The following SIPA1L2 variants were observed in gnomAD, a reference collection of about 807,000 sequenced individuals.
The protein encoded by SIPA1L2 is signal induced proliferation associated 1 like 2, also known as signal-induced proliferation-associated 1-like protein 2.
SIPA1L2 carries 56 observed loss-of-function variants against 163.9 expected under a neutral mutation model. The observed-to-expected ratio is 0.34, with a 90% CI of 0.28 to 0.43. SIPA1L2 has a LOEUF of 0.43. Ranked by LOEUF, SIPA1L2 falls within the 20% of genes least tolerant of loss-of-function variation. The pLI is 1.00. For synonymous variants in SIPA1L2, 877 were observed against 865.7 expected, an observed-to-expected ratio of 1.01 and a Z score of -0.23; for missense variants, 1,974 against 2,193.5, an observed-to-expected ratio of 0.90 and a Z score of 2.00.
At chr1:232,552,059 C>T (rs542833027) in intron 2 of SIPA1L2, among the ~76,000 whole-genome samples, 2 of 152,192 alleles carry the variant, frequency 1.3e-5, no homozygotes, top group South Asian at 4.1e-4. Flanking sequence ...AGGCTGGTCT[C>T]GAATTCCTGA....
intron 3 of SIPA1L2, among the ~76,000 whole-genome samples, chr1:232,497,310 T>C (rs575624492): frequency 1.2e-4 from 19 of 152,248 alleles, no homozygotes; most frequent in African/African-American, 2.2e-4. Flanking sequence ...AATTTTACTG[T>C]ACATAAAATA....
In SIPA1L2 at chr1:232,626,148, G is replaced by A. The variant is rs866920130; in HGVS notation, c.-319+3721C>T. ...ATTTTGACGAAATGCATTGACAATA[G>A]GTAGTAACTGCTGTTGTCAATTTTA... On this transcript the variant is annotated intron_variant, in intron 1 of 22. Coordinates refer to ENST00000674635, the MANE Select transcript of SIPA1L2 (RefSeq NM_020808.5). Among the ~76,000 whole-genome samples the A allele has an allele frequency of 6.6e-5, 10 of 151,644 alleles. No homozygotes were observed. The South Asian group carries it at 2.1e-3, about 32-fold the overall frequency.
At position 232,513,877 on chromosome 1, in the gene SIPA1L2, C is replaced by T. The variant is rs569418675; in HGVS notation, c.1463G>A (p.Arg488His). The change falls in exon 3 of 23, where the codon CGC becomes CAC. Residue 488 changes from arginine to histidine, a missense_variant. Transcript: ENST00000674635. ...CTTACCTTTCCCATAGAAGAATTTG[C>T]GGTAATAATAGGCCCCAAGGTCAAT... The part of the protein sequence containing the change: ...EHIDLGAYYY[R>H]KFFYGKEHQN... 3.8e-6 allele frequency: 6 copies of T among 1,574,570 alleles called. No individual in the cohort carries two copies. The East Asian group carries it at 6.7e-5, about 18-fold the overall frequency.
At chr1:232,617,237 A>G (rs1662548365) in intron 1 of SIPA1L2, among the ~76,000 whole-genome samples, 1 of 152,232 alleles carries the variant, frequency 6.6e-6, no homozygotes, top group Admixed American at 6.5e-5. Context: ...AGCTGGCCTG[A>G]GCCAGGCCCG....
At chr1:232,472,242 G>A (rs1424141419) in intron 7 of SIPA1L2, among the ~76,000 whole-genome samples, 1 of 152,122 alleles carries the variant, frequency 6.6e-6, no homozygotes, top group African/African-American at 2.4e-5. Context: ...AGACAATGCA[G>A]TTGTCTCTGT....
At chr1:232,557,997 G>A (rs981758050) in intron 2 of SIPA1L2, among the ~76,000 whole-genome samples, 2 of 152,178 alleles carry the variant, frequency 1.3e-5, no homozygotes, top group South Asian at 2.1e-4. Context: ...TGTCTGTATG[G>A]AGAGTAAGCC....
At chr1:232,480,175 GTGTGTGTGTGTGTGTGTT>G (rs1470286551) in intron 6 of SIPA1L2, among the ~76,000 whole-genome samples, 5 of 138,680 alleles carry the variant, frequency 3.6e-5, no homozygotes, top group Admixed American at 7.8e-5. Context: ...GTGTGTGTGT[GTGTGTGTGTGTGTGTGTT>G]TTTACAGTTA....
At chr1:232,435,569 AATAATG>A (rs1471841141) in intron 15 of SIPA1L2, among the ~76,000 whole-genome samples, 2 of 152,224 alleles carry the variant, frequency 1.3e-5, no homozygotes, top group Admixed American at 1.3e-4. Context: ...CGGTGGCATG[AATAATG>A]ATAAACAGCC....
intron 1 of SIPA1L2, among the ~76,000 whole-genome samples, chr1:232,605,847 T>G (rs1661888113): frequency 6.6e-6 from 1 of 152,222 alleles, no homozygotes; most frequent in South Asian, 2.1e-4. Context: ...TCCAACAATA[T>G]GATAGGACTT....
Position 232,465,985 on chromosome 1 carries a change from C to A in SIPA1L2, c.2244-569G>T, listed in dbSNP as rs1664491806. 1.3e-5 allele frequency among the ~76,000 whole-genome samples: 2 copies of A among 151,966 alleles called. No homozygotes were observed. Among genetic ancestry groups the A allele is most frequent in the Admixed American group, 1.3e-4 (2 of 15,266 alleles). On this transcript the variant is annotated intron_variant, in intron 8 of 22. Transcript: ENST00000674635. The surrounding 1 kb of genome is among the most constrained non-coding windows in gnomAD (Gnocchi z 4.1). The stretch of plus-strand genomic sequence containing the variant: ...TGCTGACACCTTGATCTTAGACTTC[C>A]AGCCTCTAGAACTCTGAGAAAATAA...
At chr1:232,418,889 GC>G (rs1261269674) in intron 18 of SIPA1L2, among the ~76,000 whole-genome samples, 2 of 152,320 alleles carry the variant, frequency 1.3e-5, no homozygotes, top group East Asian at 3.9e-4. Context: ...TGTCCACTCA[GC>G]AGTCTACCAC....
chr1:232,612,140 T>C (rs1291745658), intron 1 of SIPA1L2, among the ~76,000 whole-genome samples: 1 of 152,208 alleles, frequency 6.6e-6, no homozygotes, highest in Non-Finnish European at 1.5e-5. Flanking sequence ...AGTCAAGAAC[T>C]GAGGTTTGGG....
At chr1:232,459,177 C>T (rs1415407025) in intron 10 of SIPA1L2, among the ~76,000 whole-genome samples, 1 of 152,196 alleles carries the variant, frequency 6.6e-6, no homozygotes, top group Non-Finnish European at 1.5e-5. Flanking sequence ...CATGGTTTAG[C>T]TGATCTATCC....
chr1:232,610,132 TAC>T (rs1162289340), intron 1 of SIPA1L2, among the ~76,000 whole-genome samples: 3 of 152,238 alleles, frequency 2.0e-5, no homozygotes, highest in African/African-American at 7.2e-5. Flanking sequence ...AATGGAAGTT[TAC>T]GTCTGTTAAA....
chr1:232,586,272 T>C (rs566910262), intron 1 of SIPA1L2, among the ~76,000 whole-genome samples: 1 of 152,278 alleles, frequency 6.6e-6, no homozygotes, highest in South Asian at 2.1e-4. Flanking sequence ...TAAAAAGACA[T>C]TCATAAATTG....
intron 4 of SIPA1L2, 116 bp downstream of exon 4, chr1:232,493,411 C>T: frequency 7.8e-7 from 1 of 1,276,620 alleles, no homozygotes; most frequent in Non-Finnish European, 1.1e-6. Context: ...TTAAATGTTG[C>T]AATCATTAAC....
At chr1:232,601,895 A>G (rs959945730) in intron 1 of SIPA1L2, among the ~76,000 whole-genome samples, 1 of 152,224 alleles carries the variant, frequency 6.6e-6, no homozygotes, top group African/African-American at 2.4e-5. Flanking sequence ...CCTACTTGCT[A>G]TTAACAAAAA....
intron 2 of SIPA1L2, among the ~76,000 whole-genome samples, chr1:232,547,449 A>G (rs957074090): frequency 4.6e-5 from 7 of 151,836 alleles, no homozygotes; most frequent in Non-Finnish European, 1.0e-4. Context: ...GTTTCATTCT[A>G]TTCAAGCAAA....
At position 232,525,401 on chromosome 1, in the gene SIPA1L2, ATTTTTTTTTTTTTT is replaced by A. The variant is rs59155660; in HGVS notation, c.-269-9807_-269-9794del. 1.0e-4 allele frequency among the ~76,000 whole-genome samples: 13 copies of A among 127,644 alleles called. No homozygotes were observed. The South Asian group carries it at 1.1e-3, about 10-fold the overall frequency. 83.7% of individuals were successfully genotyped at this position (127,644 alleles called of 152,430 possible). A position where few individuals can be genotyped will look rare whatever the true frequency, so the allele number is the denominator to read the frequency against. On this transcript the variant is annotated intron_variant, in intron 2 of 22. Transcript: ENST00000674635. ...CAGGCACCCGCCACCAAGCCTGGCTATTTTTTTTTTTTTTTTTTTTTTTTTTGTATTTCTAGTAG... is the reference window on the plus strand; with the variant it reads ...CAGGCACCCGCCACCAAGCCTGGCTATTTTTTTTTTTTGTATTTCTAGTAG...
Sources: gnomAD v4.1 joint callset for allele counts (sites outside exome capture counted in the v4.1 genomes callset) on GRCh38, gnomAD v4.1.1 for gene constraint, Gnocchi (gnomAD v3.1) non-coding constraint, MANE v1.5 for transcripts, NCBI Gene and HGNC (gene_info 2026-07-23, HGNC 2026-07-21) for gene names.